Variants in MALRD1 observed in about 807,000 individuals in gnomAD.
MALRD1 encodes MAM and LDL-receptor class A domain-containing protein 1.
A neutral mutation model predicts 242.1 loss-of-function variants in MALRD1; 247 were observed. The ratio of observed to expected loss-of-function variants is 1.02; its 90% CI spans 0.92 to 1.13. The LOEUF (loss-of-function observed/expected upper bound fraction) is 1.13. Ranked by LOEUF, MALRD1 falls within the 50% of genes most tolerant of loss-of-function variation. The pLI is 0.00. For synonymous variants in MALRD1, 995 were observed against 866.6 expected (o/e 1.15, Z -2.60); for missense variants, 2,989 against 2,533.1 (o/e 1.18, Z -3.86).
At chr10:19,627,671 G>A (rs1839713918) in intron 36 of MALRD1, among the ~76,000 whole-genome samples, 1 of 147,400 alleles carries the variant, frequency 6.8e-6, no homozygotes, top group African/African-American at 2.5e-5. Context: ...TGGAGTAGGA[G>A]AATCACTTGA....
chr10:19,421,971 A>G (rs1449408962), intron 28 of MALRD1, among the ~76,000 whole-genome samples: 2 of 152,218 alleles, frequency 1.3e-5, no homozygotes, highest in African/African-American at 4.8e-5. Context: ...TTGATGATGC[A>G]ACAAAAAATA....
rs190909136 is a variant in MALRD1 at position 19,602,538 on chromosome 10, C to T, written c.5945-5239C>T. On this transcript the variant is annotated intron_variant, in intron 34 of 39. Coordinates refer to ENST00000454679, the MANE Select transcript of MALRD1 (RefSeq NM_001142308.3). ...AAGGACATGAACTCATCATTTTTTA[C>T]GGCTGCATAGTGTTCCATGGTGTAT... 3.6e-3 allele frequency among the ~76,000 whole-genome samples: 540 copies of T among 151,842 alleles called. 1 individual carries two copies. Among genetic ancestry groups the T allele is most frequent in the South Asian group, 0.01 (50 of 4,802 alleles).
intron 38 of MALRD1, among the ~76,000 whole-genome samples, chr10:19,692,869 A>ATT (rs1833158476): frequency 2.3e-5 from 1 of 42,672 alleles, no homozygotes. Context: ...AGATGAAATT[A>ATT]TATATATATA....
intron 26 of MALRD1, among the ~76,000 whole-genome samples, chr10:19,381,499 T>G (rs962653385): frequency 1.3e-5 from 2 of 152,032 alleles, no homozygotes; most frequent in Non-Finnish European, 2.9e-5. Flanking sequence ...TATCATGTAT[T>G]GCATTCTCTA....
chr10:19,059,541 T>C (rs1472119588), intron 1 of MALRD1, among the ~76,000 whole-genome samples: 1 of 151,922 alleles, frequency 6.6e-6, no homozygotes, highest in Admixed American at 6.6e-5. Context: ...TGCATGTCAC[T>C]ATACGCATCT....
intron 26 of MALRD1, among the ~76,000 whole-genome samples, chr10:19,379,973 ATT>A (rs35629873): frequency 9.6e-4 from 125 of 130,578 alleles, no homozygotes; most frequent in African/African-American, 2.9e-3. Flanking sequence ...TTTTTATTTA[ATT>A]TTTTTTTTTT....
intron 21 of MALRD1, among the ~76,000 whole-genome samples, chr10:19,321,293 G>T (rs1389583555): frequency 6.6e-6 from 1 of 152,026 alleles, no homozygotes; most frequent in Admixed American, 6.6e-5. Flanking sequence ...AATGTGTTGG[G>T]ATTTCATTTA....
chr10:19,369,639 A>G (rs1414752637), intron 26 of MALRD1, among the ~76,000 whole-genome samples: 1 of 3,006 alleles, frequency 3.3e-4, no homozygotes, highest in Non-Finnish European at 0.02. Context: ...ATACAGATAT[A>G]TTTAAAAAAA....
At chr10:19,260,278 CAGACAGAT>C (rs1708947983) in intron 19 of MALRD1, among the ~76,000 whole-genome samples, 1 of 146,934 alleles carries the variant, frequency 6.8e-6, no homozygotes, top group Non-Finnish European at 1.5e-5. Context: ...CATAGACAGA[CAGACAGAT>C]AGATAGACAG....
At chr10:19,095,241 A>G (rs1276311960) in intron 4 of MALRD1, among the ~76,000 whole-genome samples, 2 of 152,214 alleles carry the variant, frequency 1.3e-5, no homozygotes, top group East Asian at 3.8e-4. Flanking sequence ...TTGAATTATA[A>G]GATATAGGAA....
chr10:19,594,829 A>T lies in MALRD1; in HGVS notation c.5681-365A>T, dbSNP rs541282180. ...ATGATATAATGGACTGTGGGGACTCAAGGGGAAAGATTGGGCATGTGGTGA... is the reference window on the plus strand; with the variant it reads ...ATGATATAATGGACTGTGGGGACTCTAGGGGAAAGATTGGGCATGTGGTGA... On this transcript the variant is annotated intron_variant, in intron 33 of 39. Coordinates refer to ENST00000454679, the MANE Select transcript of MALRD1 (RefSeq NM_001142308.3). Among the ~76,000 whole-genome samples, 4 of 152,198 alleles carry T rather than the reference A, an allele frequency of 2.6e-5. No homozygotes were observed. The East Asian group carries it at 7.8e-4, about 30-fold the overall frequency.
chr10:19,211,924 G>C (rs182307972), intron 18 of MALRD1, among the ~76,000 whole-genome samples: 2 of 152,006 alleles, frequency 1.3e-5, no homozygotes, highest in African/African-American at 2.4e-5. Context: ...GATTTTTCAC[G>C]ATCACTCATG....
At chr10:19,200,411 G>T (rs1456847885) in intron 14 of MALRD1, among the ~76,000 whole-genome samples, 12 of 152,248 alleles carry the variant, frequency 7.9e-5, no homozygotes, top group African/African-American at 2.6e-4. Flanking sequence ...ACTGTTCAAA[G>T]TTCAACCACA....
At chr10:19,534,166 A>G (rs1834547119) in intron 32 of MALRD1, among the ~76,000 whole-genome samples, 1 of 152,194 alleles carries the variant, frequency 6.6e-6, no homozygotes, top group Non-Finnish European at 1.5e-5. Flanking sequence ...GTTACTTGCT[A>G]CTGAAAAAGC....
chr10:19,703,665 C>A (rs181183283), intron 38 of MALRD1, among the ~76,000 whole-genome samples: 4 of 152,136 alleles, frequency 2.6e-5, no homozygotes, highest in East Asian at 1.9e-4. Flanking sequence ...GAGGCCAAGG[C>A]GGGTGGATCA....
intron 2 of MALRD1, among the ~76,000 whole-genome samples, chr10:19,084,064 G>T (rs138913576): frequency 1.2e-3 from 190 of 152,086 alleles, no homozygotes; most frequent in African/African-American, 4.0e-3. Flanking sequence ...TCAGACATAA[G>T]TTGATATGGC....
intron 4 of MALRD1, among the ~76,000 whole-genome samples, chr10:19,100,667 A>C (rs1242514695): frequency 6.6e-6 from 1 of 152,144 alleles, no homozygotes; most frequent in East Asian, 1.9e-4. Flanking sequence ...TTGAATTATA[A>C]ATGACTTGTG....
At chr10:19,236,111 T>C (rs1838306309) in intron 18 of MALRD1, among the ~76,000 whole-genome samples, 1 of 152,310 alleles carries the variant, frequency 6.6e-6, no homozygotes, top group South Asian at 2.1e-4. Context: ...CATCTGTTAT[T>C]TTATGAATAA....
intron 2 of MALRD1, among the ~76,000 whole-genome samples, chr10:19,071,903 T>C (rs912362727): frequency 2.6e-5 from 4 of 152,192 alleles, no homozygotes. Flanking sequence ...ATATTTACTT[T>C]GAAAACTCTT....
Sources: allele counts gnomAD v4.1 joint callset (sites outside exome capture counted in the v4.1 genomes callset), GRCh38; gene constraint gnomAD v4.1.1; transcripts MANE v1.5; gene names NCBI Gene and HGNC (gene_info 2026-07-23, HGNC 2026-07-21).